Variants in PDE6A observed in about 807,000 individuals in gnomAD.
The protein encoded by PDE6A is phosphodiesterase 6A.
PDE6A carries 84 observed loss-of-function variants against 106.3 expected under a neutral mutation model. The ratio of observed to expected loss-of-function variants is 0.79; its 90% confidence interval spans 0.66 to 0.95. The LOEUF (loss-of-function observed/expected upper bound fraction) is 0.95. PDE6A is among the 40% of genes least tolerant of loss of function. The pLI is 0.00. For synonymous variants in PDE6A, 394 were observed against 386.6 expected (o/e 1.02, Z -0.23); for missense variants, 1,052 against 1,084.9 (o/e 0.97, Z 0.43).
chr5:149,886,478 G>A (rs965525314), intron 13 of PDE6A, 104 bp from the exon 14 acceptor site: 21 of 814,922 alleles, frequency 2.6e-5, no homozygotes, highest in Non-Finnish European at 3.7e-5. Flanking sequence ...AAAAACTCAT[G>A]GGTCTGATCT....
chr5:149,928,705 A>C (rs1199491141), intron 4 of PDE6A, among the ~76,000 whole-genome samples: 1 of 152,172 alleles, frequency 6.6e-6, no homozygotes, highest in East Asian at 1.9e-4. Flanking sequence ...ATTGATCAAA[A>C]TGTTGTTATA....
chr5:149,903,707 G>A lies in PDE6A; in HGVS notation c.1066-12C>T, dbSNP rs781571202. 6.2e-7 allele frequency: 1 copy of A among 1,612,300 alleles called. No homozygotes were observed. The highest frequency in any genetic ancestry group is 2.2e-5 in the East Asian group (1 of 44,876). On this transcript the variant is annotated splice_polypyrimidine_tract_variant and intron_variant, in intron 7 of 21. Coordinates refer to ENST00000255266, the MANE Select transcript of PDE6A (RefSeq NM_000440.3). ...ATGATGTTGCAAATCTGAGAGCAGT[G>A]AAGGGGAATAATGAAGGTGTGATTA...
intron 5 of PDE6A, among the ~76,000 whole-genome samples, chr5:149,915,724 G>A (rs1016191988): frequency 6.6e-6 from 1 of 152,206 alleles, no homozygotes; most frequent in African/African-American, 2.4e-5. Context: ...ATAAAAGAGA[G>A]TTGAGAAGCC....
chr5:149,876,676 T>G (rs1760753308), intron 17 of PDE6A, among the ~76,000 whole-genome samples: 1 of 152,126 alleles, frequency 6.6e-6, no homozygotes, highest in Non-Finnish European at 1.5e-5. Context: ...CTAATTGTTT[T>G]TTGTATTTTA....
chr5:149,886,117 C>T (rs1464533655), intron 14 of PDE6A, 148 bp downstream of exon 14: 3 of 699,216 alleles, frequency 4.3e-6, no homozygotes, highest in African/African-American at 1.7e-5. Context: ...CTGCCTGCTA[C>T]AGGAGGAGAC....
intron 10 of PDE6A, among the ~76,000 whole-genome samples, chr5:149,897,149 T>A (rs1339373212): frequency 6.6e-6 from 1 of 152,268 alleles, no homozygotes; most frequent in Non-Finnish European, 1.5e-5. Context: ...TGGCGCATAG[T>A]AAGCACTAAC....
In PDE6A at chr5:149,862,011, C is replaced by T. The variant is rs149100540; in HGVS notation, c.2507-1040G>A. Among the ~76,000 whole-genome samples the T allele has an allele frequency of 4.2e-3, 634 of 152,274 alleles. 12 individuals carry two copies. In the East Asian group the frequency reaches 0.051, roughly 12 times the overall value. On this transcript the variant is annotated intron_variant, in intron 21 of 21. Transcript: ENST00000255266. ...CATAAACTACAAAACTCTAAGTGGC[C>T]CCTACATTTGCAGCTGCCCATTTAG...
Position 149,860,357 on chromosome 5 carries a change from C to T in PDE6A, c.*538G>A, listed in dbSNP as rs1273880580. 6.6e-6 allele frequency: 1 copy of T among 152,284 alleles called. No individual in the cohort carries two copies. The highest frequency in any genetic ancestry group is 2.4e-5 in the African/African-American group (1 of 41,438). 9.4% of individuals were successfully genotyped at this position (152,284 alleles called of 1,614,324 possible). A position where few individuals can be genotyped will look rare whatever the true frequency, so the allele number is the denominator to read the frequency against. The stretch of plus-strand genomic sequence containing the variant: ...TTTTGAAAATGATTGAAAATTTTTA[C>T]AATACATTAACTGAAAGTATAAGAA... On this transcript the variant is annotated 3_prime_UTR_variant, in exon 22 of 22. Transcript: ENST00000255266.
At chr5:149,869,068 G>GCA (rs1340994851) in intron 17 of PDE6A, among the ~76,000 whole-genome samples, 1 of 152,204 alleles carries the variant, frequency 6.6e-6, no homozygotes, top group Non-Finnish European at 1.5e-5. Flanking sequence ...CGTGGCTCAC[G>GCA]CCAGTAATCC....
rs907773405 is a variant in PDE6A at position 149,921,793 on chromosome 5, C to A, written c.859-84G>T. On this transcript the variant is annotated intron_variant, in intron 4 of 21. Transcript: ENST00000255266. ...AAGATGTCCCACCTCCATGAGTCAGCTAACACTGAAATTTAGAAAGTGAGA... is the reference window on the plus strand; with the variant it reads ...AAGATGTCCCACCTCCATGAGTCAGATAACACTGAAATTTAGAAAGTGAGA... 5 of 1,049,830 alleles carry A rather than the reference C, an allele frequency of 4.8e-6. No individual in the cohort carries two copies. The African/African-American group carries it at 7.8e-5, about 16-fold the overall frequency. The allele number at this position is 1,049,830 out of a possible 1,614,324, so 65.0% of individuals were successfully genotyped here. A position where few individuals can be genotyped will look rare whatever the true frequency, so the allele number is the denominator to read the frequency against.
intron 5 of PDE6A, among the ~76,000 whole-genome samples, chr5:149,920,917 G>T (rs1487432581): frequency 1.6e-5 from 2 of 125,664 alleles, no homozygotes; most frequent in African/African-American, 5.9e-5. Flanking sequence ...AGAAAAGAAA[G>T]AAAGAAGAAA....
At chr5:149,898,941 G>C (rs971019390) in intron 9 of PDE6A, among the ~76,000 whole-genome samples, 1 of 152,156 alleles carries the variant, frequency 6.6e-6, no homozygotes, top group South Asian at 2.1e-4. Context: ...ATGGCTCACT[G>C]CAGCTTTGAC....
intron 13 of PDE6A, among the ~76,000 whole-genome samples, chr5:149,890,966 C>T (rs951237688): frequency 7.2e-5 from 11 of 152,180 alleles, no homozygotes; most frequent in Non-Finnish European, 1.6e-4. Context: ...ATAAACAGTG[C>T]TATGCACCTG....
intron 6 of PDE6A, among the ~76,000 whole-genome samples, chr5:149,908,963 A>G (rs1035154758): frequency 3.3e-5 from 5 of 152,106 alleles, no homozygotes; most frequent in African/African-American, 1.2e-4. Context: ...TGTAATACAT[A>G]TTTTATTGTA....
intron 7 of PDE6A, 111 bp from the exon 8 acceptor site, chr5:149,903,806 A>C: frequency 1.2e-6 from 1 of 845,862 alleles, no homozygotes; most frequent in Non-Finnish European, 2.1e-6. Context: ...AGGCATTCAC[A>C]TTCTTTTCAT....
intron 1 of PDE6A, 34 bp downstream of exon 1, chr5:149,944,166 C>T (rs775655937): frequency 1.9e-6 from 3 of 1,552,240 alleles, no homozygotes; most frequent in Non-Finnish European, 2.7e-6. Flanking sequence ...TGTAATAATG[C>T]CCCATGCCCT....
In PDE6A at chr5:149,921,691, G is replaced by A. The variant is rs1280444937; in HGVS notation, c.877C>T (p.Pro293Ser). 1 of 1,613,558 alleles carries A rather than the reference G, an allele frequency of 6.2e-7. No homozygotes were observed. The highest frequency in any genetic ancestry group is 1.1e-5 in the South Asian group (1 of 91,048). ...TKQKEFFDVW[P>S]VLMGEVPPYS... ...GGTGGAACTTCACCCATCAGAACCG[G>A]CCACACATCAAAAAATTCCTAGGAA... Residue 293 changes from proline (P) to serine (S), a missense_variant, in exon 5 of 22, where the codon CCG (proline) becomes TCG (serine). Coordinates refer to ENST00000255266, the MANE Select transcript of PDE6A (RefSeq NM_000440.3).
chr5:149,942,635 T>G (rs1006210153), intron 1 of PDE6A, among the ~76,000 whole-genome samples: 1 of 152,074 alleles, frequency 6.6e-6, no homozygotes, highest in African/African-American at 2.4e-5. Flanking sequence ...AGCACTGGTC[T>G]CTGAGTTCCC....
intron 5 of PDE6A, among the ~76,000 whole-genome samples, chr5:149,920,885 GAC>G (rs1246324182): frequency 3.4e-5 from 5 of 147,210 alleles, no homozygotes; most frequent in African/African-American, 1.3e-4. Context: ...GAAAGAGAGA[GAC>G]AGAGAGAGAG....
Sources: gnomAD v4.1 joint callset for allele counts (sites outside exome capture counted in the v4.1 genomes callset) on GRCh38, gnomAD v4.1.1 for gene constraint, MANE v1.5 for transcripts, NCBI Gene and HGNC (gene_info 2026-07-23, HGNC 2026-07-21) for gene names.